HMGCLL1: variants seen among roughly 807,000 people sequenced by gnomAD.
HMGCLL1 encodes the protein 3-hydroxymethyl-3-methylglutaryl-CoA lyase, cytoplasmic.
Under a neutral mutation model 39.1 loss-of-function variants are expected in HMGCLL1, and 36 were observed. The observed-to-expected ratio is 0.92, with a 90% CI of 0.71 to 1.22. The LOEUF (loss-of-function observed/expected upper bound fraction) is 1.22, where lower values mean the gene tolerates loss of function less well. Among genes scored for constraint, HMGCLL1 ranks in the 50% most tolerant of loss-of-function variants. The pLI is 0.00. For synonymous variants in HMGCLL1, 149 were observed against 144.0 expected, an observed-to-expected ratio of 1.03 and a Z score of -0.25; for missense variants, 451 against 416.5, an observed-to-expected ratio of 1.08 and a Z score of -0.72.
chr6:55,642,530 C>T, the HMGCLL1 span, among the ~76,000 whole-genome samples: 2 of 152,038 alleles, frequency 1.3e-5, no homozygotes, highest in Admixed American at 1.3e-4. Context: ...AACCAGCATG[C>T]AATGCTTAAT....
intron 5 of HMGCLL1, among the ~76,000 whole-genome samples, chr6:55,509,716 A>G (rs1052800296): frequency 6.6e-6 from 1 of 151,936 alleles, no homozygotes; most frequent in Non-Finnish European, 1.5e-5. Context: ...AATTAAACAC[A>G]GGAAGAATTT....
upstream of HMGCLL1, among the ~76,000 whole-genome samples, chr6:55,583,143 C>A (rs575065901): frequency 6.6e-6 from 1 of 151,976 alleles, no homozygotes; most frequent in Non-Finnish European, 1.5e-5. Context: ...AATTTGCATG[C>A]TTGGTAATTT....
the HMGCLL1 span, among the ~76,000 whole-genome samples, chr6:55,677,909 G>A: frequency 0.012 from 1,887 of 152,256 alleles, 40 homozygotes; most frequent in African/African-American, 0.043. Flanking sequence ...ATGTCTATCT[G>A]TAACGTGTAA....
At chr6:55,676,668 A>C in the HMGCLL1 span, among the ~76,000 whole-genome samples, 2 of 152,238 alleles carry the variant, frequency 1.3e-5, no homozygotes, top group South Asian at 4.1e-4. Flanking sequence ...AGTTGTAATA[A>C]TCTTCATACA....
At chr6:55,664,639 C>T in the HMGCLL1 span, among the ~76,000 whole-genome samples, 3 of 151,642 alleles carry the variant, frequency 2.0e-5, no homozygotes, top group African/African-American at 4.8e-5. Context: ...AAACAATAAA[C>T]ATTTATTATT....
intron 7 of HMGCLL1, among the ~76,000 whole-genome samples, chr6:55,463,252 G>A (rs1487284593): frequency 1.1e-4 from 16 of 151,754 alleles, no homozygotes; most frequent in South Asian, 8.3e-4. Flanking sequence ...GGCTGGTCTC[G>A]AACTCCTGAC....
chr6:55,612,133 C>G, the HMGCLL1 span, among the ~76,000 whole-genome samples: 1 of 152,052 alleles, frequency 6.6e-6, no homozygotes, highest in Non-Finnish European at 1.5e-5. Flanking sequence ...ACAAAAATCA[C>G]AAGAATTCCT....
At chr6:55,619,807 A>C in the HMGCLL1 span, among the ~76,000 whole-genome samples, 1 of 152,042 alleles carries the variant, frequency 6.6e-6, no homozygotes, top group African/African-American at 2.4e-5. Flanking sequence ...CTATTTAACT[A>C]TATTTAGGTA....
chr6:55,439,483 A>G lies in HMGCLL1; in HGVS notation c.872T>C (p.Val291Ala), dbSNP rs1204327175. The G allele has an allele frequency of 6.2e-7, 1 of 1,612,726 alleles. No individual in the cohort carries two copies. Among genetic ancestry groups the G allele is most frequent in the Non-Finnish European group, 8.5e-7 (1 of 1,179,118 alleles). Residue 291 changes from valine to alanine, a missense_variant, in exon 8 of 9, where the codon GTA (valine) becomes GCA (alanine). Physicochemically the swap from Val to Ala is moderately conservative, Grantham distance 64. Coordinates refer to ENST00000274901, the MANE Select transcript of HMGCLL1 (RefSeq NM_001042406.2). ...CATATATATCAAATCCTCAGTGGCT[A>G]CATTCCCAGAAGCACCTTTTGCATA... is the stretch of plus-strand genomic sequence containing the variant. ...CPYAKGASGNVATEDLIYMLN... is the reference protein window; with the variant it reads ...CPYAKGASGNAATEDLIYMLN...
the HMGCLL1 span, among the ~76,000 whole-genome samples, chr6:55,652,027 A>G: frequency 6.6e-6 from 1 of 152,004 alleles, no homozygotes; most frequent in Non-Finnish European, 1.5e-5. Context: ...AATGACTCTT[A>G]GTGATATGAA....
At chr6:55,438,848 T>G (rs1017698091) in intron 8 of HMGCLL1, among the ~76,000 whole-genome samples, 3 of 152,100 alleles carry the variant, frequency 2.0e-5, no homozygotes, top group Non-Finnish European at 4.4e-5. Flanking sequence ...TAACAGGTTG[T>G]GTTAACAATC....
intron 7 of HMGCLL1, among the ~76,000 whole-genome samples, chr6:55,482,732 A>G (rs553654663): frequency 1.3e-5 from 2 of 152,288 alleles, no homozygotes; most frequent in Admixed American, 6.5e-5. Context: ...AGATCAAAGT[A>G]AAAGGAACCT....
At chr6:55,653,005 C>A in the HMGCLL1 span, among the ~76,000 whole-genome samples, 7 of 151,950 alleles carry the variant, frequency 4.6e-5, no homozygotes, top group East Asian at 1.9e-4. Flanking sequence ...ATAATTATGG[C>A]TTGATTCTGA....
rs184973462 is a variant in HMGCLL1 at position 55,526,820 on chromosome 6, C to G, written c.298-10217G>C. On this transcript the variant is annotated intron_variant, in intron 3 of 8. Transcript: ENST00000274901. ...TTCAGGCCCATAAAATGGGGATTCA[C>G]CTCTGAATAAAAATAAAATTAGGCT... Among the ~76,000 whole-genome samples, 6 of 152,038 alleles carry G rather than the reference C, an allele frequency of 3.9e-5. No individual in the cohort carries two copies. In the East Asian group the frequency reaches 1.2e-3, roughly 29 times the overall value.
At chr6:55,474,251 T>C (rs1765182926) in intron 7 of HMGCLL1, among the ~76,000 whole-genome samples, 1 of 151,570 alleles carries the variant, frequency 6.6e-6, no homozygotes, top group Non-Finnish European at 1.5e-5. Context: ...ACATACATAA[T>C]GGATCTCTAC....
intron 1 of HMGCLL1, among the ~76,000 whole-genome samples, chr6:55,545,659 T>A (rs1432392245): frequency 6.6e-6 from 1 of 152,076 alleles, no homozygotes; most frequent in Admixed American, 6.6e-5. Context: ...CAGCATGTAC[T>A]GGGGAATATC....
At chr6:55,675,425 A>G in the HMGCLL1 span, among the ~76,000 whole-genome samples, 1 of 152,136 alleles carries the variant, frequency 6.6e-6, no homozygotes, top group Non-Finnish European at 1.5e-5. Context: ...TAACACTGCC[A>G]GTAACAATAA....
chr6:55,567,609 T>C (rs1771279700), intron 1 of HMGCLL1, among the ~76,000 whole-genome samples: 1 of 152,158 alleles, frequency 6.6e-6, no homozygotes, highest in Non-Finnish European at 1.5e-5. Context: ...TTAAATGAAT[T>C]GCAAGAAAAA....
intron 3 of HMGCLL1, among the ~76,000 whole-genome samples, chr6:55,522,948 TTC>T (rs1390583615): frequency 6.6e-6 from 1 of 151,958 alleles, no homozygotes; most frequent in African/African-American, 2.4e-5. Context: ...GGATCTAAAA[TTC>T]ATGTGAGAAA....
Sources: gnomAD v4.1 joint callset for allele counts (sites outside exome capture counted in the v4.1 genomes callset) on GRCh38, gnomAD v4.1.1 for gene constraint, MANE v1.5 for transcripts, NCBI Gene and HGNC (gene_info 2026-07-23, HGNC 2026-07-21) for gene names.